Variants in CEP135 observed in about 807,000 individuals in gnomAD.
CEP135 encodes the protein centrosomal protein 135.
In CEP135, 142 loss-of-function variants were observed where a neutral mutation model predicts 157.3. The observed-to-expected ratio is 0.90, with a 90% CI of 0.79 to 1.04. The LOEUF is 1.04. CEP135 is among the 50% of genes least tolerant of loss of function. The probability of loss-of-function intolerance (pLI) is 0.00; values close to 1 mark genes in which losing one functional copy is unlikely to be tolerated. For synonymous variants in CEP135, 396 were observed against 439.8 expected (o/e 0.90, Z 1.25); for missense variants, 1,317 against 1,309.2 (o/e 1.01, Z -0.09).
intron 15 of CEP135, among the ~76,000 whole-genome samples, chr4:55,993,281 G>A (rs1344371341): frequency 6.6e-6 from 1 of 152,126 alleles, no homozygotes; most frequent in African/African-American, 2.4e-5. Context: ...AAAGTATATA[G>A]TAAACAGAGC....
intron 19 of CEP135, among the ~76,000 whole-genome samples, chr4:56,010,467 T>C (rs1162777985): frequency 6.6e-6 from 1 of 151,540 alleles, no homozygotes; most frequent in Non-Finnish European, 1.5e-5. Context: ...GTGCAACTGG[T>C]CTTCTCACCA....
intron 14 of CEP135, among the ~76,000 whole-genome samples, chr4:55,991,318 C>CTTTTTTTTT (rs36216484): frequency 7.5e-6 from 1 of 133,604 alleles, no homozygotes; most frequent in African/African-American, 2.7e-5. Context: ...CTGTTTTTTT[C>CTTTTTTTTT]TTTTTTTTTT....
At chr4:56,009,163 TG>T (rs1416542855) in intron 18 of CEP135, among the ~76,000 whole-genome samples, 14 of 152,148 alleles carry the variant, frequency 9.2e-5, no homozygotes, top group Middle Eastern at 3.4e-3. Context: ...TTGTTGTTGT[TG>T]TTGTTTTTTG....
At position 56,007,723 on chromosome 4, in the gene CEP135, C is replaced by T. The variant is rs186484990; in HGVS notation, c.2281-604C>T. Among the ~76,000 whole-genome samples the T allele has an allele frequency of 5.3e-5, 8 of 152,202 alleles. No individual in the cohort carries two copies. The East Asian group carries it at 1.5e-3, about 29-fold the overall frequency. On this transcript the variant is annotated intron_variant, in intron 17 of 25. Transcript: ENST00000257287. ...GAAACCATGAGTTAGGGGAGATTTT[C>T]CAGGTACTTGGTGCCAGCCAGATTG... is the stretch of plus-strand genomic sequence containing the variant.
chr4:55,981,230 C>T lies in CEP135; in HGVS notation c.1630C>T (p.Gln544Ter). 6.3e-7 allele frequency: 1 copy of T among 1,579,550 alleles called. No individual in the cohort carries two copies. The highest frequency in any genetic ancestry group is 8.5e-7 in the Non-Finnish European group (1 of 1,170,128). ...TTATATCTTTTCATTCTTTAAGGCT[C>T]AGGAAGAATTATCTGCCCTAAGAAA... ...DKLSVLYNEA[Q>*]EELSALRKES... is the part of the protein sequence containing the mutation. The change falls in exon 13 of 26, where the codon CAG (glutamine) becomes TAG (stop). Residue 544 changes from glutamine to a stop codon, truncating the protein, a stop_gained. Transcript: ENST00000257287. LOFTEE classifies it high-confidence loss of function.
intron 6 of CEP135, among the ~76,000 whole-genome samples, chr4:55,961,764 TAAAAAA>T (rs564116620): frequency 1.8e-5 from 1 of 54,186 alleles, no homozygotes; most frequent in Non-Finnish European, 3.2e-5. Context: ...AAACTCTGTC[TAAAAAA>T]AAAAAAAAAA....
At chr4:56,011,691 G>A in intron 20 of CEP135, 109 bp from the exon 21 acceptor site, 2 of 1,031,604 alleles carry the variant, frequency 1.9e-6, no homozygotes, top group East Asian at 2.6e-5. Flanking sequence ...GATATCTAAT[G>A]CTTCCTAAAT....
At chr4:55,992,182 A>C in intron 15 of CEP135, 97 bp downstream of exon 15, 1 of 1,203,060 alleles carries the variant, frequency 8.3e-7, no homozygotes, top group African/African-American at 1.6e-5. Context: ...GCCTTTGTGC[A>C]GTAGTTTTAG....
intron 10 of CEP135, 147 bp downstream of exon 10, chr4:55,971,555 G>T (rs1729028855): frequency 2.6e-6 from 2 of 756,710 alleles, no homozygotes; most frequent in Non-Finnish European, 4.0e-6. Flanking sequence ...AGTTACTGTA[G>T]ATACAGTAGA....
At chr4:56,025,751 A>G (rs901669047) in intron 25 of CEP135, among the ~76,000 whole-genome samples, 1 of 152,186 alleles carries the variant, frequency 6.6e-6, no homozygotes, top group African/African-American at 2.4e-5. Context: ...GAGCAGTATA[A>G]TAGTTCAGGA....
At chr4:55,973,011 A>G (rs1289962338) in intron 10 of CEP135, among the ~76,000 whole-genome samples, 1 of 152,214 alleles carries the variant, frequency 6.6e-6, no homozygotes, top group South Asian at 2.1e-4. Flanking sequence ...AGCCTGGGCA[A>G]AAATAGTGAA....
At chr4:56,020,275 A>C (rs1035668882) in intron 23 of CEP135, among the ~76,000 whole-genome samples, 2 of 152,194 alleles carry the variant, frequency 1.3e-5, no homozygotes, top group Non-Finnish European at 2.9e-5. Flanking sequence ...TTAGAATAGA[A>C]GGATTTAGAC....
At chr4:56,025,245 A>G (rs1731117768) in intron 25 of CEP135, among the ~76,000 whole-genome samples, 1 of 152,192 alleles carries the variant, frequency 6.6e-6, no homozygotes, top group Admixed American at 6.5e-5. Context: ...CCTCTTGAGT[A>G]GCTGGGACTA....
chr4:55,990,691 CAG>C (rs1185324236), intron 14 of CEP135, among the ~76,000 whole-genome samples: 1 of 151,988 alleles, frequency 6.6e-6, no homozygotes, highest in Non-Finnish European at 1.5e-5. Context: ...ATTGTAGAGA[CAG>C]GGTCTCACTG....
At chr4:55,966,246 G>A in intron 8 of CEP135, 1 of 180,896 alleles carries the variant, frequency 5.5e-6, no homozygotes, top group South Asian at 1.1e-4. Flanking sequence ...AGGCTGGAGT[G>A]CAATGGTGTG....
intron 5 of CEP135, among the ~76,000 whole-genome samples, chr4:55,957,805 A>G (rs1728552341): frequency 6.6e-6 from 1 of 152,234 alleles, no homozygotes; most frequent in African/African-American, 2.4e-5. Flanking sequence ...TTTGAATCAT[A>G]TATAAATTCC....
At position 55,965,775 on chromosome 4, in the gene CEP135, T is replaced by A; in HGVS notation, c.960T>A (p.Thr320=). 3.1e-6 allele frequency: 5 copies of A among 1,613,858 alleles called. No homozygotes were observed. Among genetic ancestry groups the A allele is most frequent in the Non-Finnish European group, 4.2e-6 (5 of 1,179,844 alleles). ...NKNEKLCQEL[T]EIDQLAQQLE... ...ATGAAAAACTCTGCCAAGAATTAACTGAAATAGATCAGTTAGCACAGCAGT... is the reference window on the plus strand; with the variant it reads ...ATGAAAAACTCTGCCAAGAATTAACAGAAATAGATCAGTTAGCACAGCAGT... The change falls in exon 8 of 26, where the codon ACT becomes ACA. Residue 320 remains threonine, a synonymous_variant. Transcript: ENST00000257287.
intron 11 of CEP135, among the ~76,000 whole-genome samples, chr4:55,975,927 G>A (rs1729196242): frequency 6.6e-6 from 1 of 152,070 alleles, no homozygotes. Context: ...TTGATTTACT[G>A]TTGTCAGTGT....
At chr4:55,963,289 A>G (rs896033095) in intron 6 of CEP135, among the ~76,000 whole-genome samples, 1 of 152,128 alleles carries the variant, frequency 6.6e-6, no homozygotes, top group African/African-American at 2.4e-5. Flanking sequence ...CCTTTAGTCC[A>G]GCATAATCGT....
Sources: gnomAD v4.1 joint callset for allele counts (sites outside exome capture counted in the v4.1 genomes callset) on GRCh38, gnomAD v4.1.1 for gene constraint, MANE v1.5 for transcripts, NCBI Gene and HGNC (gene_info 2026-07-23, HGNC 2026-07-21) for gene names.